MRTFB: variants seen among roughly 807,000 people sequenced by gnomAD.
MRTFB encodes myocardin related transcription factor B.
In MRTFB, 29 loss-of-function variants were observed where a neutral mutation model predicts 104.2. The observed-to-expected ratio is 0.28, with a 90% CI of 0.21 to 0.38. MRTFB has a LOEUF of 0.38. MRTFB is among the 10% of genes least tolerant of loss of function. MRTFB has a pLI of 1.00. For synonymous variants in MRTFB, 535 were observed against 519.5 expected (o/e 1.03, Z -0.41); for missense variants, 1,270 against 1,341.6 (o/e 0.95, Z 0.83).
intron 2 of MRTFB, among the ~76,000 whole-genome samples, chr16:14,089,404 A>T (rs948412818): frequency 6.6e-6 from 1 of 152,208 alleles, no homozygotes; most frequent in African/African-American, 2.4e-5. Context: ...AATCATAAAA[A>T]TATGTGACCT....
Position 14,217,181 on chromosome 16 carries a change from A to G in MRTFB, c.408A>G (p.Arg136=), listed in dbSNP as rs771602457. 42 of 1,613,880 alleles carry G rather than the reference A, an allele frequency of 2.6e-5. No homozygotes were observed. Among genetic ancestry groups the G allele is most frequent in the Non-Finnish European group, 3.3e-5 (39 of 1,179,926 alleles). The part of the protein sequence containing the change: ...QATQMKLKRA[R]LADDLNEKIA... The stretch of plus-strand genomic sequence containing the variant: ...CTCAGATGAAGTTGAAAAGAGCTCG[A>G]CTAGCAGATGATCTGAATGAAAAGA... Residue 136 remains arginine, a synonymous_variant, in exon 7 of 17, where the codon CGA becomes CGG. Transcript: ENST00000571589.
At chr16:14,119,766 G>T (rs915315872) in intron 2 of MRTFB, among the ~76,000 whole-genome samples, 4 of 152,098 alleles carry the variant, frequency 2.6e-5, no homozygotes, top group African/African-American at 9.7e-5. Context: ...GGTTGGTTTG[G>T]TCTGTTGGGG....
chr16:14,200,797 C>T, intron 3 of MRTFB: 1 of 1,470,494 alleles, frequency 6.8e-7, no homozygotes. Context: ...CACGCTTCTC[C>T]TTCAGAGTAA....
chr16:13,997,408 T>TCTTTTATGC, the MRTFB span, among the ~76,000 whole-genome samples: 1 of 152,202 alleles, frequency 6.6e-6, no homozygotes, highest in Admixed American at 6.5e-5. Flanking sequence ...GTATTTTGTC[T>TCTTTTATGC]CTTTTATGCC....
chr16:14,190,841 A>G (rs532530767), intron 3 of MRTFB, among the ~76,000 whole-genome samples: 26 of 152,304 alleles, frequency 1.7e-4, no homozygotes, highest in African/African-American at 5.8e-4. Context: ...AGGAGTGTCA[A>G]CGGAGTGGGG....
chr16:14,210,366 A>C, intron 4 of MRTFB, 58 bp downstream of exon 4: 1 of 1,323,208 alleles, frequency 7.6e-7, no homozygotes, highest in Non-Finnish European at 1.1e-6. Context: ...GGGCGTGTCC[A>C]AGAAGAGCCT....
chr16:14,183,439 A>C (rs2039835881), intron 3 of MRTFB, among the ~76,000 whole-genome samples: 1 of 152,210 alleles, frequency 6.6e-6, no homozygotes, highest in South Asian at 2.1e-4. Flanking sequence ...ACTATACAGG[A>C]TATTGTTGGG....
chr16:14,228,171 AC>A, intron 8 of MRTFB, among the ~76,000 whole-genome samples: 1 of 152,218 alleles, frequency 6.6e-6, no homozygotes, highest in East Asian at 1.9e-4. Context: ...ACTCTTGTAT[AC>A]TGTTGGTGGG....
intron 15 of MRTFB, among the ~76,000 whole-genome samples, chr16:14,255,244 A>G (rs2043428123): frequency 6.6e-6 from 1 of 152,256 alleles, no homozygotes; most frequent in South Asian, 2.1e-4. Context: ...TATTTGAAGA[A>G]ACAATGGCTG....
At chr16:14,249,590 T>C (rs1567219063) in intron 13 of MRTFB, among the ~76,000 whole-genome samples, 1 of 152,210 alleles carries the variant, frequency 6.6e-6, no homozygotes, top group Non-Finnish European at 1.5e-5. Flanking sequence ...TTTGGCCTCA[T>C]GCAGAATTCA....
chr16:14,158,055 C>T (rs1183744849), intron 3 of MRTFB, among the ~76,000 whole-genome samples: 2 of 152,064 alleles, frequency 1.3e-5, no homozygotes, highest in Admixed American at 6.5e-5. Flanking sequence ...AGGGATAGTT[C>T]CCCCACTTTT....
intron 3 of MRTFB, among the ~76,000 whole-genome samples, chr16:14,174,685 A>C (rs2039526062): frequency 6.6e-6 from 1 of 151,678 alleles, no homozygotes; most frequent in Admixed American, 6.6e-5. Flanking sequence ...TTTGCTCCCC[A>C]CCCCCCAGAA....
At chr16:14,159,187 C>T (rs1315772426) in intron 3 of MRTFB, among the ~76,000 whole-genome samples, 3 of 152,078 alleles carry the variant, frequency 2.0e-5, no homozygotes, top group Non-Finnish European at 4.4e-5. Context: ...TCAGTGTTCT[C>T]AAGTTGTATT....
chr16:14,229,087 A>AT (rs1386448175), intron 8 of MRTFB, among the ~76,000 whole-genome samples: 3 of 152,208 alleles, frequency 2.0e-5, no homozygotes, highest in Admixed American at 6.6e-5. Context: ...TTTTAGTATA[A>AT]TTTTTTAAAT....
At chr16:14,233,586 A>G (rs973156311) in intron 8 of MRTFB, among the ~76,000 whole-genome samples, 3 of 152,000 alleles carry the variant, frequency 2.0e-5, no homozygotes, top group African/African-American at 7.2e-5. Flanking sequence ...TCAGGAGTTC[A>G]AGACCCAGCC....
the MRTFB span, among the ~76,000 whole-genome samples, chr16:14,065,756 T>G: frequency 6.6e-6 from 1 of 151,966 alleles, no homozygotes; most frequent in African/African-American, 2.4e-5. Flanking sequence ...AAAAAAAAAT[T>G]TTTTTTAATG....
the MRTFB span, among the ~76,000 whole-genome samples, chr16:14,056,982 A>G: frequency 6.6e-6 from 1 of 151,974 alleles, no homozygotes; most frequent in Non-Finnish European, 1.5e-5. Flanking sequence ...CTCCCTTCTC[A>G]CCCTTCCTCT....
At position 14,085,731 on chromosome 16, in the gene MRTFB, G is replaced by C. The variant is rs561979291; in HGVS notation, c.-64+6377G>C. On this transcript the variant is annotated intron_variant, in intron 2 of 16. Transcript: ENST00000571589. The stretch of plus-strand genomic sequence containing the variant: ...TATTGTCATTGTTAGAATTAGGTTG[G>C]AAATGAGAAGGGCCTTAAATTTTAA... Among the ~76,000 whole-genome samples the C allele has an allele frequency of 2.6e-4, 39 of 152,276 alleles. 1 individual carries two copies. The South Asian group carries it at 7.9e-3, about 31-fold the overall frequency.
At chr16:14,044,573 G>A in the MRTFB span, among the ~76,000 whole-genome samples, 1 of 152,162 alleles carries the variant, frequency 6.6e-6, no homozygotes, top group South Asian at 2.1e-4. Context: ...CTAAACAGTA[G>A]CACACGCTCC....
Sources: gnomAD v4.1 joint callset for allele counts (sites outside exome capture counted in the v4.1 genomes callset) on GRCh38, gnomAD v4.1.1 for gene constraint, MANE v1.5 for transcripts, NCBI Gene and HGNC (gene_info 2026-07-23, HGNC 2026-07-21) for gene names.